The following PTPN5 variants were observed in gnomAD, a reference collection of about 807,000 sequenced individuals.
PTPN5 encodes protein tyrosine phosphatase non-receptor type 5, also known as tyrosine-protein phosphatase non-receptor type 5.
PTPN5 carries 29 observed loss-of-function variants against 73.9 expected under a neutral mutation model. The observed-to-expected ratio is 0.39, with a 90% confidence interval of 0.29 to 0.54. The LOEUF (loss-of-function observed/expected upper bound fraction) is 0.54. Ranked by LOEUF, PTPN5 falls within the 20% of genes least tolerant of loss-of-function variation. The pLI is 0.65. For missense variants in PTPN5, 652 were observed against 751.4 expected (o/e 0.87, Z 1.55); for synonymous variants, 267 against 304.7 (o/e 0.88, Z 1.29).
intron 3 of PTPN5, among the ~76,000 whole-genome samples, chr11:18,764,158 G>T (rs1304797517): frequency 6.6e-6 from 1 of 152,168 alleles, no homozygotes; most frequent in Non-Finnish European, 1.5e-5. Context: ...TCTAGTACTT[G>T]AATGCCTCCT....
At chr11:18,774,433 C>T (rs1027056767) in intron 1 of PTPN5, among the ~76,000 whole-genome samples, 2 of 152,200 alleles carry the variant, frequency 1.3e-5, no homozygotes, top group Admixed American at 1.3e-4. Context: ...AACAGAAAGG[C>T]GTTGCTGGGC....
Position 18,777,979 on chromosome 11 carries a change from A to G in PTPN5, c.-113-5908T>C, listed in dbSNP as rs112005074. 4.7e-3 allele frequency among the ~76,000 whole-genome samples: 189 copies of G among 40,596 alleles called. No homozygotes were observed. In the East Asian group the frequency reaches 0.13, roughly 28 times the overall value. 26.6% of individuals were successfully genotyped at this position (40,596 alleles called of 152,430 possible). A position where few individuals can be genotyped will look rare whatever the true frequency, so the allele number is the denominator to read the frequency against. On this transcript the variant is annotated intron_variant, in intron 1 of 14. Transcript: ENST00000358540. Reference sequence around the variant, plus strand: ...GGAAGAAAGGAAGGAAGGAAGGAAGAAAGAAAGAAAGAAAGGAAGGAAGGA... The same window carrying G: ...GGAAGAAAGGAAGGAAGGAAGGAAGGAAGAAAGAAAGAAAGGAAGGAAGGA...
At chr11:18,732,868 G>A (rs1175437420) in intron 11 of PTPN5, among the ~76,000 whole-genome samples, 166 bp from the exon 12 acceptor site, 1 of 152,186 alleles carries the variant, frequency 6.6e-6, no homozygotes, top group Non-Finnish European at 1.5e-5. Context: ...TCCGTTTCCT[G>A]AGTCTCAGTT....
At chr11:18,731,875 C>A (rs1387500401) in intron 12 of PTPN5, among the ~76,000 whole-genome samples, 2 of 152,170 alleles carry the variant, frequency 1.3e-5, no homozygotes, top group Admixed American at 6.5e-5. Flanking sequence ...GCCTGGTTCA[C>A]CTCTTCCAGC....
At chr11:18,757,337 G>C (rs1432742302) in intron 3 of PTPN5, among the ~76,000 whole-genome samples, 1 of 152,218 alleles carries the variant, frequency 6.6e-6, no homozygotes, top group Non-Finnish European at 1.5e-5. Context: ...TACAAGGGCA[G>C]ACACACTCAG....
intron 1 of PTPN5, among the ~76,000 whole-genome samples, chr11:18,776,832 G>T (rs889170445): frequency 1.3e-5 from 2 of 152,204 alleles, no homozygotes; most frequent in South Asian, 2.1e-4. Context: ...ATGAAAAGTG[G>T]GGTAATGTTT....
chr11:18,783,451 C>T (rs1467914374), intron 1 of PTPN5, among the ~76,000 whole-genome samples: 1 of 152,224 alleles, frequency 6.6e-6, no homozygotes, highest in Non-Finnish European at 1.5e-5. Context: ...CTTCTCTGAC[C>T]TCCGTCCTGG....
chr11:18,744,276 G>T, intron 3 of PTPN5, 77 bp from the exon 4 acceptor site: 3 of 1,307,052 alleles, frequency 2.3e-6, no homozygotes, highest in Non-Finnish European at 3.0e-6. Flanking sequence ...TTTTGGGGTG[G>T]CTGTGGCTGC....
At chr11:18,757,628 A>T (rs764259) in intron 3 of PTPN5, among the ~76,000 whole-genome samples, 1 of 152,018 alleles carries the variant, frequency 6.6e-6, no homozygotes, top group Non-Finnish European at 1.5e-5. Flanking sequence ...TGTTTGCAGA[A>T]GGTGTGTTTG....
chr11:18,787,473 G>A (rs146238522), intron 1 of PTPN5, among the ~76,000 whole-genome samples: 1 of 152,152 alleles, frequency 6.6e-6, no homozygotes, highest in Non-Finnish European at 1.5e-5. Context: ...CAGGTCTATA[G>A]GCCCTTACAT....
chr11:18,738,712 G>A (rs756943865), intron 8 of PTPN5, among the ~76,000 whole-genome samples: 2 of 152,050 alleles, frequency 1.3e-5, no homozygotes, highest in East Asian at 1.9e-4. Flanking sequence ...GGTGGCTCAC[G>A]CCTGTAATCT....
chr11:18,738,947 G>T (rs1377764152), intron 8 of PTPN5, among the ~76,000 whole-genome samples: 1 of 150,540 alleles, frequency 6.6e-6, no homozygotes, highest in East Asian at 1.9e-4. Flanking sequence ...ACTCCAGCCT[G>T]GGCAACAAGA....
chr11:18,771,003 C>T (rs1266914572), intron 2 of PTPN5, among the ~76,000 whole-genome samples: 1 of 152,114 alleles, frequency 6.6e-6, no homozygotes, highest in African/African-American at 2.4e-5. Flanking sequence ...CCCAGCTTTG[C>T]CCAGGACTTA....
At chr11:18,781,107 G>A (rs2134353610) in intron 1 of PTPN5, among the ~76,000 whole-genome samples, 1 of 152,144 alleles carries the variant, frequency 6.6e-6, no homozygotes, top group South Asian at 2.1e-4. Flanking sequence ...ACCTCCTCCA[G>A]GCAGCCTTCT....
chr11:18,791,938 G>A (rs1361762910), upstream of PTPN5: 1 of 152,204 alleles, frequency 6.6e-6, no homozygotes. Context: ...CCCGGGGCAC[G>A]AAGGGGGCCG....
rs138773157 is a variant in PTPN5, at chr11:18,742,301, G to A, written c.686C>T (p.Pro229Leu). 193 of 1,614,146 alleles carry A rather than the reference G, an allele frequency of 1.2e-4. 1 individual carries two copies. In the African/African-American group the frequency reaches 2.0e-3, roughly 17 times the overall value. ...CVMDIKPEAD[P>L]TSLTVKSMGL... ...CATGGACTTGACGGTGAGTGAGGTG[G>A]GGTCAGCCTCAGGCTTGATGTCCAT... The change falls in exon 7 of 15, where the codon CCC becomes CTC. Residue 229 changes from proline (P) to leucine (L), a missense_variant. By Grantham distance (98) the Pro-to-Leu change is moderately conservative. Coordinates refer to ENST00000358540, the MANE Select transcript of PTPN5 (RefSeq NM_006906.2). The surrounding 1 kb of genome is among the most constrained non-coding windows in gnomAD (Gnocchi z 4.1).
chr11:18,777,631 T>A (rs115711134), intron 1 of PTPN5, among the ~76,000 whole-genome samples: 2,183 of 152,180 alleles, frequency 0.014, 46 homozygotes, highest in African/African-American at 0.05. Context: ...GTAAATGAGA[T>A]TATTATGCAG....
intron 2 of PTPN5, among the ~76,000 whole-genome samples, chr11:18,771,533 A>C (rs551025578): frequency 1.3e-5 from 2 of 152,150 alleles, no homozygotes; most frequent in South Asian, 2.1e-4. Context: ...CTCTCCCACC[A>C]ACTTCCGACT....
Position 18,742,884 on chromosome 11 carries a change from TGCCCCACCCAGAATGTC to T in PTPN5, c.483+91_483+107del. On this transcript the variant is annotated intron_variant, in intron 6 of 14. Coordinates refer to ENST00000358540, the MANE Select transcript of PTPN5 (RefSeq NM_006906.2). This position sits in a 1 kb window ranked among gnomAD's most constrained non-coding sequence, Gnocchi z 4.1. ...GTGCAAAGAGATAGGTATCCCTCCT[TGCCCCACCCAGAATGTC>T]CAGCCTATAAGTCAGATGGGAGCTG... 1 of 794,658 alleles carries T rather than the reference TGCCCCACCCAGAATGTC, an allele frequency of 1.3e-6. No homozygotes were observed. Among genetic ancestry groups the T allele is most frequent in the Non-Finnish European group, 2.1e-6 (1 of 477,222 alleles). The allele number at this position is 794,658 out of a possible 1,614,324, so 49.2% of individuals were successfully genotyped here. A position where few individuals can be genotyped will look rare whatever the true frequency, so the allele number is the denominator to read the frequency against.
Sources: gnomAD v4.1 joint callset for allele counts (sites outside exome capture counted in the v4.1 genomes callset) on GRCh38, gnomAD v4.1.1 for gene constraint, Gnocchi (gnomAD v3.1) non-coding constraint, MANE v1.5 for transcripts, NCBI Gene and HGNC (gene_info 2026-07-23, HGNC 2026-07-21) for gene names.